Variants in BEND5 observed in about 807,000 individuals in gnomAD.
The protein encoded by BEND5 is BEN domain containing 5.
BEND5 carries 22 observed loss-of-function variants against 43.9 expected under a neutral mutation model. That is an observed-to-expected ratio of 0.50 (90% CI 0.36 to 0.72). The LOEUF (loss-of-function observed/expected upper bound fraction) is 0.72, where lower values mean the gene tolerates loss of function less well. Ranked by LOEUF, BEND5 falls within the 30% of genes least tolerant of loss-of-function variation. The pLI is 0.00. For synonymous variants in BEND5, 228 were observed against 225.9 expected, an observed-to-expected ratio of 1.01 and a Z score of -0.08; for missense variants, 428 against 550.6, an observed-to-expected ratio of 0.78 and a Z score of 2.23.
intron 3 of BEND5, among the ~76,000 whole-genome samples, chr1:48,746,227 T>A (rs138798379): frequency 6.6e-6 from 1 of 152,020 alleles, no homozygotes; most frequent in Non-Finnish European, 1.5e-5. Flanking sequence ...TAGTACAGAG[T>A]GGGTTTTTTT....
chr1:48,763,987 GC>G (rs1333634130), intron 1 of BEND5, among the ~76,000 whole-genome samples: 1 of 152,106 alleles, frequency 6.6e-6, no homozygotes, highest in African/African-American at 2.4e-5. Context: ...CCAGAGCTTT[GC>G]CTTCTATGCC....
intron 1 of BEND5, among the ~76,000 whole-genome samples, chr1:48,771,016 T>C (rs1400349507): frequency 6.6e-6 from 1 of 152,134 alleles, no homozygotes; most frequent in Non-Finnish European, 1.5e-5. Flanking sequence ...AAAACAAAAA[T>C]CTCTATCTCA....
intron 3 of BEND5, among the ~76,000 whole-genome samples, chr1:48,758,056 C>T (rs145341763): frequency 8.1e-4 from 123 of 152,300 alleles, no homozygotes; most frequent in African/African-American, 2.7e-3. Flanking sequence ...TCAGGTTTCT[C>T]GATCCCTGCT....
In BEND5 at chr1:48,728,022, G is replaced by A. The variant is rs748096702; in HGVS notation, c.1130C>T (p.Ala377Val). ...IVRECLYDRIAQETVDETEIA... is the reference protein window; with the variant it reads ...IVRECLYDRIVQETVDETEIA... ...TTCAGTTTCATCCACAGTTTCTTGT[G>A]CTATTCTGTCATACAAACACTCTAG... Residue 377 changes from alanine (A) to valine (V), a missense_variant, in exon 6 of 6, where the codon GCA becomes GTA. Transcript: ENST00000371833. The A allele has an allele frequency of 6.2e-6, 10 of 1,610,642 alleles. No homozygotes were observed. In the African/African-American group the frequency reaches 1.2e-4, roughly 19 times the overall value.
intron 5 of BEND5, among the ~76,000 whole-genome samples, chr1:48,728,878 C>G (rs1647636398): frequency 6.6e-6 from 1 of 152,186 alleles, no homozygotes; most frequent in Admixed American, 6.5e-5. Context: ...TATTAAGGTT[C>G]TGACAACCTG....
chr1:48,741,393 A>G (rs944339592), intron 4 of BEND5, among the ~76,000 whole-genome samples: 4 of 152,182 alleles, frequency 2.6e-5, no homozygotes, highest in Non-Finnish European at 2.9e-5. Flanking sequence ...CTATGCTAAG[A>G]ACTCAGGCTC....
At chr1:48,752,403 C>A (rs974670261) in intron 3 of BEND5, among the ~76,000 whole-genome samples, 1 of 152,208 alleles carries the variant, frequency 6.6e-6, no homozygotes, top group South Asian at 2.1e-4. Context: ...GAATTCTGCC[C>A]AGGAAAAGTT....
Position 48,759,296 on chromosome 1 carries a change from A to G in BEND5, c.361-12T>C. The G allele has an allele frequency of 6.5e-7, 1 of 1,550,344 alleles. No homozygotes were observed. Among genetic ancestry groups the G allele is most frequent in the East Asian group, 2.4e-5 (1 of 40,920 alleles). ...CGCCCCTCAGGTCTCTGTGTAGGACAACGAGAATCAGTTCAGGCAAGGGCA... is the reference window on the plus strand; with the variant it reads ...CGCCCCTCAGGTCTCTGTGTAGGACGACGAGAATCAGTTCAGGCAAGGGCA... On this transcript the variant is annotated splice_polypyrimidine_tract_variant and intron_variant, in intron 2 of 5. Coordinates refer to ENST00000371833, the MANE Select transcript of BEND5 (RefSeq NM_024603.4).
chr1:48,752,711 T>C (rs1336767669), intron 3 of BEND5, among the ~76,000 whole-genome samples: 2 of 152,172 alleles, frequency 1.3e-5, no homozygotes, highest in East Asian at 3.9e-4. Context: ...GCACCTACTA[T>C]ATGCCAGCCT....
At chr1:48,770,138 G>A (rs1194718246) in intron 1 of BEND5, among the ~76,000 whole-genome samples, 7 of 152,142 alleles carry the variant, frequency 4.6e-5, no homozygotes, top group Non-Finnish European at 8.8e-5. Flanking sequence ...TCCATTCTCT[G>A]ACCCCAACTC....
At chr1:48,751,732 G>A (rs1651768210) in intron 3 of BEND5, among the ~76,000 whole-genome samples, 1 of 152,198 alleles carries the variant, frequency 6.6e-6, no homozygotes. Context: ...TGACAATGGG[G>A]AAAAGCCTAA....
chr1:48,762,308 T>A (rs1378287314), intron 1 of BEND5, among the ~76,000 whole-genome samples: 3 of 152,228 alleles, frequency 2.0e-5, no homozygotes, highest in Non-Finnish European at 2.9e-5. Context: ...CAACCTAAGA[T>A]AATCTGTTTC....
intron 3 of BEND5, among the ~76,000 whole-genome samples, chr1:48,752,939 G>A (rs867108307): frequency 1.1e-3 from 174 of 152,186 alleles, no homozygotes; most frequent in African/African-American, 4.1e-3. Flanking sequence ...TAGTAGAGGC[G>A]GGGTTTCACC....
At chr1:48,756,443 C>T (rs1643930779) in intron 3 of BEND5, among the ~76,000 whole-genome samples, 3 of 152,184 alleles carry the variant, frequency 2.0e-5, no homozygotes, top group Admixed American at 2.0e-4. Context: ...GGGCAGAGGG[C>T]AAGGGCTGTA....
chr1:48,775,036 C>T (rs140068983), intron 1 of BEND5, among the ~76,000 whole-genome samples: 335 of 152,336 alleles, frequency 2.2e-3, no homozygotes, highest in Middle Eastern at 6.8e-3. Flanking sequence ...AGCCTATCGT[C>T]TTGGGAAATA....
intron 3 of BEND5, 28 bp from the exon 4 acceptor site, chr1:48,742,799 T>C (rs777019507): frequency 7.3e-6 from 11 of 1,501,084 alleles, no homozygotes; most frequent in Non-Finnish European, 8.9e-6. Flanking sequence ...GAAATCTGTC[T>C]AGAACTCCAA....
chr1:48,748,249 C>T (rs530323161), intron 3 of BEND5, among the ~76,000 whole-genome samples: 42 of 152,226 alleles, frequency 2.8e-4, no homozygotes, highest in Non-Finnish European at 4.1e-4. Context: ...CTTCTCAGAC[C>T]CTCTCAGAAG....
chr1:48,756,296 C>A (rs72681062), intron 3 of BEND5, among the ~76,000 whole-genome samples: 2 of 152,202 alleles, frequency 1.3e-5, no homozygotes, highest in African/African-American at 4.8e-5. Context: ...CTTCTCTGAC[C>A]CCTCAAAATC....
At position 48,727,844 on chromosome 1, in the gene BEND5, CCA is replaced by C. The variant is rs759473886; in HGVS notation, c.*40_*41del. The C allele has an allele frequency of 6.4e-7, 1 of 1,559,056 alleles. No individual in the cohort carries two copies. Among genetic ancestry groups the C allele is most frequent in the Non-Finnish European group, 8.8e-7 (1 of 1,139,126 alleles). ...GGCACCATCGCTCGCAAATCACATG[CCA>C]CACAAGGAAAACACGAAAGCTTTAT... On this transcript the variant is annotated 3_prime_UTR_variant, in exon 6 of 6. Transcript: ENST00000371833.
Sources: allele counts gnomAD v4.1 joint callset (sites outside exome capture counted in the v4.1 genomes callset), GRCh38; gene constraint gnomAD v4.1.1; transcripts MANE v1.5; gene names NCBI Gene and HGNC (gene_info 2026-07-23, HGNC 2026-07-21).